PLBD1: variants seen among roughly 807,000 people sequenced by gnomAD.
PLBD1 encodes the protein phospholipase B domain containing 1.
In PLBD1, 60 loss-of-function variants were observed where a neutral mutation model predicts 63.0. That is an observed-to-expected ratio of 0.95 (90% CI 0.77 to 1.18). The LOEUF (loss-of-function observed/expected upper bound fraction) is 1.18, where lower values mean the gene tolerates loss of function less well. Among genes scored for constraint, PLBD1 ranks in the 50% most tolerant of loss-of-function variants. PLBD1 has a pLI of 0.00. For missense variants in PLBD1, 598 were observed against 677.9 expected, an observed-to-expected ratio of 0.88 and a Z score of 1.31; for synonymous variants, 262 against 248.0, an observed-to-expected ratio of 1.06 and a Z score of -0.53.
chr12:14,555,237 T>C (rs1945693257), intron 1 of PLBD1, among the ~76,000 whole-genome samples: 1 of 152,228 alleles, frequency 6.6e-6, no homozygotes, highest in Non-Finnish European at 1.5e-5. Context: ...CAATAGTTTC[T>C]ATTTCTTAAA....
At chr12:14,541,748 G>A (rs1167810074) in intron 3 of PLBD1, among the ~76,000 whole-genome samples, 1 of 152,282 alleles carries the variant, frequency 6.6e-6, no homozygotes, top group South Asian at 2.1e-4. Flanking sequence ...TTTAGTCTTA[G>A]AAAACTTTAT....
intron 4 of PLBD1, among the ~76,000 whole-genome samples, chr12:14,537,088 CAAAAAAAAAA>C (rs371859037): frequency 1.9e-5 from 1 of 53,428 alleles, no homozygotes; most frequent in Admixed American, 2.0e-4. Context: ...GACCGCATCT[CAAAAAAAAAA>C]AAAAAAAAAA....
At chr12:14,560,023 G>T (rs1945734114) in intron 1 of PLBD1, among the ~76,000 whole-genome samples, 1 of 152,022 alleles carries the variant, frequency 6.6e-6, no homozygotes, top group Non-Finnish European at 1.5e-5. Flanking sequence ...GCCACGCCTG[G>T]CTAATTTTGT....
At chr12:14,550,489 A>T (rs568814423) in intron 2 of PLBD1, among the ~76,000 whole-genome samples, 68 of 152,366 alleles carry the variant, frequency 4.5e-4, no homozygotes, top group African/African-American at 1.5e-3. Flanking sequence ...AGGCAAATTA[A>T]ACAAGAAAAC....
chr12:14,556,494 C>T lies in PLBD1; in HGVS notation c.116-3082G>A, dbSNP rs1012468041. Among the ~76,000 whole-genome samples, 87 of 151,714 alleles carry T rather than the reference C, an allele frequency of 5.7e-4. 1 individual carries two copies. ...AAACGATTCTCCTGCCTCAGCCTCC[C>T]GAGTAGCTGAGACTACAGGCATGCA... On this transcript the variant is annotated intron_variant, in intron 1 of 10. Coordinates refer to ENST00000240617, the MANE Select transcript of PLBD1 (RefSeq NM_024829.6).
chr12:14,505,701 A>C (rs1945249249), intron 10 of PLBD1, among the ~76,000 whole-genome samples: 1 of 152,190 alleles, frequency 6.6e-6, no homozygotes, highest in Non-Finnish European at 1.5e-5. Flanking sequence ...TCTTGTCCAA[A>C]CTTGCTCCTT....
At chr12:14,519,081 G>A (rs1945356142) in intron 6 of PLBD1, among the ~76,000 whole-genome samples, 1 of 152,148 alleles carries the variant, frequency 6.6e-6, no homozygotes, top group Admixed American at 6.5e-5. Flanking sequence ...AATGACCAAA[G>A]GCAGAGAGAA....
At chr12:14,558,671 A>G (rs1945725738) in intron 1 of PLBD1, among the ~76,000 whole-genome samples, 1 of 152,006 alleles carries the variant, frequency 6.6e-6, no homozygotes, top group Admixed American at 6.6e-5. Context: ...GGCATTTCTC[A>G]TCGTAAGCAC....
At chr12:14,566,532 C>A (rs567214684) in intron 1 of PLBD1, among the ~76,000 whole-genome samples, 17 of 152,272 alleles carry the variant, frequency 1.1e-4, no homozygotes, top group Middle Eastern at 6.8e-3. Flanking sequence ...AGTTCATAAT[C>A]TTCACCTCCT....
chr12:14,539,048 C>G (rs1366617860), intron 4 of PLBD1, among the ~76,000 whole-genome samples: 1 of 151,914 alleles, frequency 6.6e-6, no homozygotes, highest in African/African-American at 2.4e-5. Context: ...AAATAAAACT[C>G]TTCCATCCTC....
chr12:14,548,322 T>G (rs1945630983), intron 2 of PLBD1, among the ~76,000 whole-genome samples: 1 of 151,588 alleles, frequency 6.6e-6, no homozygotes, highest in Non-Finnish European at 1.5e-5. Context: ...CTGGGAGTGG[T>G]GGTGCATGCC....
Position 14,544,590 on chromosome 12 carries a change from T to C in PLBD1, c.336-2299A>G, listed in dbSNP as rs548035425. 3.9e-5 allele frequency among the ~76,000 whole-genome samples: 6 copies of C among 152,330 alleles called. No individual in the cohort carries two copies. In the South Asian group the frequency reaches 1.0e-3, roughly 26 times the overall value. ...ATAGGTCTATATCAGAGTTTCTCAA[T>C]CTAATTGCTATGTCTAATAACAGTT... On this transcript the variant is annotated intron_variant, in intron 2 of 10. Coordinates refer to ENST00000240617, the MANE Select transcript of PLBD1 (RefSeq NM_024829.6).
chr12:14,508,579 G>A (rs528339711), intron 8 of PLBD1, among the ~76,000 whole-genome samples: 1 of 152,068 alleles, frequency 6.6e-6, no homozygotes, highest in African/African-American at 2.4e-5. Flanking sequence ...GACCAGGCTG[G>A]GCAATATGGC....
chr12:14,549,198 C>T (rs1255450402), intron 2 of PLBD1, among the ~76,000 whole-genome samples: 2 of 152,154 alleles, frequency 1.3e-5, no homozygotes, highest in Admixed American at 1.3e-4. Flanking sequence ...ACCTGATTAG[C>T]ATGTAATTAA....
chr12:14,507,007 C>T lies in PLBD1; in HGVS notation c.1298G>A (p.Arg433Gln), dbSNP rs376366615. The stretch of plus-strand genomic sequence containing the variant: ...TTGGTCACGCCGGAAAATTTTGGCT[C>T]GTGGAGCTAAATCATAAGAGTAGTC... Reference protein sequence around the residue: ...GLDYSYDLAPRAKIFRRDQGK... With the variant: ...GLDYSYDLAPQAKIFRRDQGK... The change falls in exon 9 of 11, where the codon CGA (arginine) becomes CAA (glutamine). Residue 433 changes from arginine to glutamine, a missense_variant. Coordinates refer to ENST00000240617, the MANE Select transcript of PLBD1 (RefSeq NM_024829.6). The T allele has an allele frequency of 6.3e-5, 102 of 1,613,802 alleles. No individual in the cohort carries two copies. The highest frequency in any genetic ancestry group is 9.4e-5 in the African/African-American group (7 of 74,866).
rs1945262228 is a variant in PLBD1, at chr12:14,507,069, C to T, written c.1236G>A (p.Trp412Ter). ...NVPFHEKIYN[W>*]SGYPLLVQKL... Reference sequence around the variant, plus strand: ...TCTGAACTAACAGTGGATAGCCACTCCAGTTGTAGATTTTTTCATGGAAAG... The same window carrying T: ...TCTGAACTAACAGTGGATAGCCACTTCAGTTGTAGATTTTTTCATGGAAAG... The change falls in exon 9 of 11, where the codon TGG becomes TGA. Residue 412 changes from tryptophan to a stop codon, truncating the protein, a stop_gained. Coordinates refer to ENST00000240617, the MANE Select transcript of PLBD1 (RefSeq NM_024829.6). LOFTEE classifies it high-confidence loss of function. The T allele has an allele frequency of 2.5e-6, 4 of 1,613,392 alleles. No individual in the cohort carries two copies. In the Admixed American group the frequency reaches 5.0e-5, roughly 20 times the overall value.
chr12:14,552,011 A>G (rs1221981903), intron 2 of PLBD1, among the ~76,000 whole-genome samples: 1 of 152,244 alleles, frequency 6.6e-6, no homozygotes, highest in Non-Finnish European at 1.5e-5. Flanking sequence ...AAATAAAAAC[A>G]AAAATTTGTA....
intron 1 of PLBD1, among the ~76,000 whole-genome samples, chr12:14,559,073 C>T (rs1945727950): frequency 1.3e-5 from 2 of 152,300 alleles, no homozygotes; most frequent in African/African-American, 2.4e-5. Context: ...TTCTTAAATC[C>T]TGTAATAGTT....
chr12:14,534,678 C>T (rs189613994), intron 6 of PLBD1, among the ~76,000 whole-genome samples: 2 of 152,000 alleles, frequency 1.3e-5, no homozygotes, highest in Non-Finnish European at 2.9e-5. Context: ...AGAGTAGCTG[C>T]GACTACAGGC....
Sources: gnomAD v4.1 joint callset for allele counts (sites outside exome capture counted in the v4.1 genomes callset) on GRCh38, gnomAD v4.1.1 for gene constraint, MANE v1.5 for transcripts, NCBI Gene and HGNC (gene_info 2026-07-23, HGNC 2026-07-21) for gene names.